Variants in CHST6 observed in about 807,000 individuals in gnomAD.
The protein encoded by CHST6 is N-acetylglucosamine 6-O-sulfotransferase 5.
For missense variants in CHST6, 698 were observed against 586.2 expected, an observed-to-expected ratio of 1.19 and a Z score of -1.97; for synonymous variants, 309 against 276.4, an observed-to-expected ratio of 1.12 and a Z score of -1.17.
chr16:75,489,062 G>C (rs1299403110), intron 1 of CHST6, among the ~76,000 whole-genome samples: 2 of 151,836 alleles, frequency 1.3e-5, no homozygotes, highest in African/African-American at 4.9e-5. Flanking sequence ...ACATGGACCT[G>C]ATGATCATCC....
At chr16:75,486,800 G>C (rs1167106563) in intron 1 of CHST6, among the ~76,000 whole-genome samples, 1 of 152,200 alleles carries the variant, frequency 6.6e-6, no homozygotes. Context: ...CCCAAGAGTG[G>C]TGATTAGATA....
chr16:75,491,173 AAAAAAAAAAAAAAAAAAATAT>A (rs529616496), intron 1 of CHST6, among the ~76,000 whole-genome samples: 5,138 of 80,180 alleles, frequency 0.064, 243 homozygotes, highest in Admixed American at 0.12. Context: ...CTTAAAAAAA[AAAAAAAAAAAAAAAAAAATAT>A]ATATATATAT....
intron 2 of CHST6, among the ~76,000 whole-genome samples, chr16:75,480,056 G>T (rs1450216646): frequency 6.6e-6 from 1 of 152,178 alleles, no homozygotes; most frequent in Non-Finnish European, 1.5e-5. Context: ...TGCAGAATGC[G>T]GTCGGAAATC....
chr16:75,484,095 C>T lies in CHST6; in HGVS notation c.-91-2204G>A, dbSNP rs148062357. ...ACTCACGCCTGTAAACCCAGCACTT[C>T]GGGAGGCTGAGGCGGGTGGATCACC... is the stretch of plus-strand genomic sequence containing the variant. On this transcript the variant is annotated intron_variant, in intron 1 of 2. Coordinates refer to ENST00000332272, the MANE Select transcript of CHST6 (RefSeq NM_021615.5). 4.1e-3 allele frequency among the ~76,000 whole-genome samples: 608 copies of T among 149,340 alleles called. 4 individuals carry two copies. Among genetic ancestry groups the T allele is most frequent in the African/African-American group, 0.012 (494 of 40,568 alleles).
At position 75,493,958 on chromosome 16, in the gene CHST6, C is replaced by A. The variant is rs147154195; in HGVS notation, c.-92+982G>T. Reference sequence around the variant, plus strand: ...CTCCTGGGTTCAAGTGATTCTTCTGCCTCAGCCTCCCAAGTAGCTGGGATT... The same window carrying A: ...CTCCTGGGTTCAAGTGATTCTTCTGACTCAGCCTCCCAAGTAGCTGGGATT... On this transcript the variant is annotated intron_variant, in intron 1 of 2. Coordinates refer to ENST00000332272, the MANE Select transcript of CHST6 (RefSeq NM_021615.5). Among the ~76,000 whole-genome samples the A allele has an allele frequency of 1.7e-3, 255 of 152,290 alleles. 1 individual carries two copies. Among genetic ancestry groups the A allele is most frequent in the African/African-American group, 5.9e-3 (245 of 41,574 alleles).
chr16:75,492,347 C>T (rs2080265525), intron 1 of CHST6, among the ~76,000 whole-genome samples: 1 of 152,236 alleles, frequency 6.6e-6, no homozygotes, highest in African/African-American at 2.4e-5. Flanking sequence ...CCCACTTCTT[C>T]TGTGCAGCAA....
chr16:75,493,643 G>T (rs1256679260), intron 1 of CHST6, among the ~76,000 whole-genome samples: 1 of 152,092 alleles, frequency 6.6e-6, no homozygotes, highest in Non-Finnish European at 1.5e-5. Context: ...GCACTTATGA[G>T]TATTTGCTTA....
At position 75,477,349 on chromosome 16, in the gene CHST6, T is replaced by G. The variant is rs1815188873; in HGVS notation, c.*1292A>C. On this transcript the variant is annotated 3_prime_UTR_variant, in exon 3 of 3. Transcript: ENST00000332272. Reference sequence around the variant, plus strand: ...CTCCACAATCCAGGTTCCCCCAATCTGTGGCCACACCCAGGATGAGGATCA... The same window carrying G: ...CTCCACAATCCAGGTTCCCCCAATCGGTGGCCACACCCAGGATGAGGATCA... 2 of 152,176 alleles carry G rather than the reference T, an allele frequency of 1.3e-5. No individual in the cohort carries two copies. The highest frequency in any genetic ancestry group is 4.1e-4 in the South Asian group (2 of 4,832). 9.4% of individuals were successfully genotyped at this position (152,176 alleles called of 1,614,324 possible). A position where few individuals can be genotyped will look rare whatever the true frequency, so the allele number is the denominator to read the frequency against.
rs755038682 is a variant in CHST6, at chr16:75,479,117, C to T, written c.712G>A (p.Gly238Ser). ...CACACCTCGCGCACCACGCGCAGGC[C>T]GGGGTCGGCCTCCACCCACGTGCCG... ...TNGTWVEADP[G>S]LRVVREVCRS... Residue 238 changes from glycine (G) to serine (S), a missense_variant, in exon 3 of 3, where the codon GGC (glycine) becomes AGC (serine). Gly to Ser is a moderately conservative substitution (Grantham distance 56, BLOSUM62 0). Coordinates refer to ENST00000332272, the MANE Select transcript of CHST6 (RefSeq NM_021615.5). 11 of 1,605,218 alleles carry T rather than the reference C, an allele frequency of 6.9e-6. No individual in the cohort carries two copies. In the Admixed American group the frequency reaches 1.5e-4, roughly 22 times the overall value.
intron 1 of CHST6, among the ~76,000 whole-genome samples, chr16:75,485,615 TAG>T (rs1249580184): frequency 6.6e-6 from 1 of 152,218 alleles, no homozygotes. Flanking sequence ...CATTAGATAT[TAG>T]AAACGTTGAA....
chr16:75,479,062 G>T lies in CHST6; in HGVS notation c.767C>A (p.Ala256Asp). The T allele has an allele frequency of 6.2e-7, 1 of 1,606,668 alleles. No individual in the cohort carries two copies. ...CRSHVRIAEA[A>D]TLKPPPFLRG... ...CAGAAAGGGTGGCGGCTTGAGTGTG[G>T]CGGCCTCGGCGATGCGTACGTGGCT... The change falls in exon 3 of 3, where the codon GCC (alanine) becomes GAC (aspartate). Residue 256 changes from alanine (A) to aspartate (D), a missense_variant. By Grantham distance (126) the Ala-to-Asp change is moderately radical. Transcript: ENST00000332272.
rs150479531 is a variant in CHST6 at position 75,479,640 on chromosome 16, G to A, written c.189C>T (p.His63=). ...SSFVGQLFNQ[H]PDVFYLMEPA... ...GCTCCATTAGGTAGAAGACGTCGGG[G>A]TGCTGGTTGAAGAGTTGGCCCACGA... Residue 63 remains histidine, a synonymous_variant, in exon 3 of 3, where the codon CAC becomes CAT. Transcript: ENST00000332272. The A allele has an allele frequency of 6.2e-7, 1 of 1,612,794 alleles. No individual in the cohort carries two copies. Among genetic ancestry groups the A allele is most frequent in the Non-Finnish European group, 8.5e-7 (1 of 1,179,794 alleles).
intron 1 of CHST6, among the ~76,000 whole-genome samples, chr16:75,485,914 C>T (rs2080191990): frequency 6.6e-6 from 1 of 152,168 alleles, no homozygotes; most frequent in African/African-American, 2.4e-5. Flanking sequence ...CAGCAAAGTC[C>T]CCACCTGGCC....
intron 1 of CHST6, among the ~76,000 whole-genome samples, chr16:75,482,916 G>C (rs1006955952): frequency 1.3e-5 from 2 of 152,232 alleles, no homozygotes; most frequent in East Asian, 1.9e-4. Flanking sequence ...CTGGAAGACA[G>C]GGAGAGTAGC....
chr16:75,492,733 C>G (rs1455834361), intron 1 of CHST6, among the ~76,000 whole-genome samples: 1 of 146,296 alleles, frequency 6.8e-6, no homozygotes, highest in African/African-American at 2.6e-5. Context: ...GCTTGTAATC[C>G]TAGCTACCCA....
intron 1 of CHST6, among the ~76,000 whole-genome samples, chr16:75,491,190 A>AAAAAAAAAATATATAT (rs1206595857): frequency 2.6e-4 from 13 of 50,080 alleles, no homozygotes; most frequent in Non-Finnish European, 3.6e-4. Context: ...AAAAAAAAAA[A>AAAAAAAAAATATATAT]ATATATATAT....
chr16:75,479,908 C>T, intron 2 of CHST6, 64 bp from the exon 3 acceptor site: 2 of 1,402,754 alleles, frequency 1.4e-6, no homozygotes, highest in Non-Finnish European at 1.9e-6. Context: ...ACCCCACTGC[C>T]CAGTGCCCGC....
chr16:75,487,111 T>G (rs2080205938), intron 1 of CHST6, among the ~76,000 whole-genome samples: 1 of 152,158 alleles, frequency 6.6e-6, no homozygotes, highest in Non-Finnish European at 1.5e-5. Flanking sequence ...GTGGTCCACA[T>G]CCAGAGGGAG....
intron 1 of CHST6, among the ~76,000 whole-genome samples, chr16:75,487,857 G>A (rs936128893): frequency 6.7e-6 from 1 of 150,278 alleles, no homozygotes; most frequent in Non-Finnish European, 1.5e-5. Context: ...TTAGCCAGGT[G>A]TGGTGGTGGG....
Sources: gnomAD v4.1 joint callset for allele counts (sites outside exome capture counted in the v4.1 genomes callset) on GRCh38, gnomAD v4.1.1 for gene constraint, MANE v1.5 for transcripts, NCBI Gene and HGNC (gene_info 2026-07-23, HGNC 2026-07-21) for gene names.